The following ASIC2 variants were observed in gnomAD, a reference collection of about 807,000 sequenced individuals.
ASIC2 encodes the protein acid sensing ion channel subunit 2.
ASIC2 carries 25 observed loss-of-function variants against 57.3 expected under a neutral mutation model. That is an observed-to-expected ratio of 0.44 (90% CI 0.32 to 0.61). The LOEUF (loss-of-function observed/expected upper bound fraction) is 0.61, where lower values mean the gene tolerates loss of function less well. ASIC2 is among the 20% of genes least tolerant of loss of function. The pLI is 0.06. For synonymous variants in ASIC2, 319 were observed against 307.5 expected, an observed-to-expected ratio of 1.04 and a Z score of -0.39; for missense variants, 641 against 738.1, an observed-to-expected ratio of 0.87 and a Z score of 1.52.
At chr17:34,032,634 C>A (rs538308008) in intron 1 of ASIC2, among the ~76,000 whole-genome samples, 2 of 152,260 alleles carry the variant, frequency 1.3e-5, no homozygotes, top group Admixed American at 1.3e-4. Flanking sequence ...CATGCAGAGA[C>A]ACACATAGGC....
intron 1 of ASIC2, among the ~76,000 whole-genome samples, chr17:33,745,302 G>A (rs905323223): frequency 3.9e-5 from 6 of 152,064 alleles, no homozygotes; most frequent in East Asian, 1.9e-4. Flanking sequence ...TCCAAATGCC[G>A]TGTGCTGCAG....
chr17:33,485,410 G>A (rs778528963), intron 1 of ASIC2, among the ~76,000 whole-genome samples: 7 of 152,230 alleles, frequency 4.6e-5, no homozygotes, highest in Non-Finnish European at 8.8e-5. Context: ...AGACTTCAGA[G>A]CAGTGAAGCT....
chr17:33,311,762 C>G (rs922004058), intron 1 of ASIC2, among the ~76,000 whole-genome samples: 12 of 152,170 alleles, frequency 7.9e-5, no homozygotes, highest in Non-Finnish European at 1.5e-4. Flanking sequence ...TTGCCATCAG[C>G]TCATCCCTAG....
chr17:34,153,719 C>T (rs8073906), intron 1 of ASIC2, among the ~76,000 whole-genome samples: 43,939 of 152,116 alleles, frequency 0.29, 6,995 homozygotes, highest in Middle Eastern at 0.43. Flanking sequence ...AGGCTCACCC[C>T]CTTTTCAATG....
chr17:33,282,050 AT>A (rs1324525431), intron 1 of ASIC2, among the ~76,000 whole-genome samples: 1 of 152,146 alleles, frequency 6.6e-6, no homozygotes, highest in African/African-American at 2.4e-5. Flanking sequence ...AAATTCTTTC[AT>A]TTTTTTGAAT....
intron 1 of ASIC2, among the ~76,000 whole-genome samples, chr17:33,261,192 G>T (rs1185520526): frequency 6.6e-6 from 1 of 152,170 alleles, no homozygotes; most frequent in African/African-American, 2.4e-5. Flanking sequence ...CTCCAAACTA[G>T]CTTTTTGCCT....
At chr17:33,593,584 G>A (rs1904893002) in intron 1 of ASIC2, among the ~76,000 whole-genome samples, 1 of 152,212 alleles carries the variant, frequency 6.6e-6, no homozygotes, top group South Asian at 2.1e-4. Flanking sequence ...GTGAAATGGT[G>A]ATAATGATGG....
At chr17:33,910,576 A>T (rs1431745672) in intron 1 of ASIC2, among the ~76,000 whole-genome samples, 1 of 152,080 alleles carries the variant, frequency 6.6e-6, no homozygotes, top group Non-Finnish European at 1.5e-5. Context: ...CACAATTTTA[A>T]TTGCATTTTT....
At chr17:33,789,682 T>C (rs1295318677) in intron 1 of ASIC2, among the ~76,000 whole-genome samples, 1 of 151,908 alleles carries the variant, frequency 6.6e-6, no homozygotes, top group Non-Finnish European at 1.5e-5. Flanking sequence ...CCTTTGTGTG[T>C]GTGTGTATTG....
intron 1 of ASIC2, among the ~76,000 whole-genome samples, chr17:33,872,996 G>A (rs1233476703): frequency 6.6e-6 from 1 of 152,124 alleles, no homozygotes; most frequent in African/African-American, 2.4e-5. Flanking sequence ...CAAGAAAAAG[G>A]CAGAGACTTA....
chr17:33,248,641 G>A (rs1908774106), intron 1 of ASIC2, among the ~76,000 whole-genome samples: 1 of 152,184 alleles, frequency 6.6e-6, no homozygotes, highest in Non-Finnish European at 1.5e-5. Flanking sequence ...AGGCTCCAAA[G>A]GAGAATCTGT....
At chr17:34,062,902 A>G (rs1450243692) in intron 1 of ASIC2, among the ~76,000 whole-genome samples, 1 of 152,160 alleles carries the variant, frequency 6.6e-6, no homozygotes, top group African/African-American at 2.4e-5. Flanking sequence ...AAAATAATTC[A>G]GTACCAGACG....
chr17:33,296,040 C>CT (rs762306772), upstream of ASIC2, among the ~76,000 whole-genome samples: 2 of 152,012 alleles, frequency 1.3e-5, no homozygotes, highest in African/African-American at 2.4e-5. Flanking sequence ...GAATCCAACT[C>CT]TAACTCATTT....
chr17:34,142,196 T>C (rs542903470), intron 1 of ASIC2, among the ~76,000 whole-genome samples: 1 of 152,156 alleles, frequency 6.6e-6, no homozygotes, highest in East Asian at 1.9e-4. Context: ...AAGTGGAAAC[T>C]GAAATTACCT....
At chr17:34,060,954 C>T (rs190951280) in intron 1 of ASIC2, among the ~76,000 whole-genome samples, 1 of 152,084 alleles carries the variant, frequency 6.6e-6, no homozygotes, top group Non-Finnish European at 1.5e-5. Context: ...ACTTCCCTGG[C>T]CTTGCGAAAG....
At chr17:33,091,215 AG>A (rs1837157103) in intron 2 of ASIC2, among the ~76,000 whole-genome samples, 1 of 152,312 alleles carries the variant, frequency 6.6e-6, no homozygotes, top group South Asian at 2.1e-4. Flanking sequence ...GGATGGAATG[AG>A]GGGGTTGAAT....
chr17:34,011,802 G>A (rs1384706285), intron 1 of ASIC2, among the ~76,000 whole-genome samples: 1 of 151,968 alleles, frequency 6.6e-6, no homozygotes, highest in Non-Finnish European at 1.5e-5. Context: ...TGGCTCCTGT[G>A]ACACCACTCA....
chr17:33,113,359 A>G (rs2092267504), intron 1 of ASIC2, among the ~76,000 whole-genome samples: 2 of 152,232 alleles, frequency 1.3e-5, no homozygotes, highest in South Asian at 4.1e-4. Context: ...AGCTTTCTAC[A>G]AATGCTACGG....
intron 1 of ASIC2, among the ~76,000 whole-genome samples, chr17:34,067,001 C>T (rs1043433766): frequency 6.6e-6 from 1 of 152,222 alleles, no homozygotes; most frequent in Non-Finnish European, 1.5e-5. Flanking sequence ...TTTAGAACTG[C>T]AAGACGGAAC....
Sources: allele counts gnomAD v4.1 joint callset (sites outside exome capture counted in the v4.1 genomes callset), GRCh38; gene constraint gnomAD v4.1.1; transcripts MANE v1.5; gene names NCBI Gene and HGNC (gene_info 2026-07-23, HGNC 2026-07-21).